The following PTPRG variants were observed in gnomAD, a reference collection of about 807,000 sequenced individuals.
PTPRG encodes the protein protein tyrosine phosphatase receptor type G.
In PTPRG, 102 loss-of-function variants were observed where a neutral mutation model predicts 165.3. The observed-to-expected ratio is 0.62, with a 90% confidence interval of 0.53 to 0.73. The LOEUF (loss-of-function observed/expected upper bound fraction) is 0.73, where lower values mean the gene tolerates loss of function less well. PTPRG is among the 30% of genes least tolerant of loss of function. The probability of loss-of-function intolerance (pLI) is 0.00; values close to 1 mark genes in which losing one functional copy is unlikely to be tolerated. For synonymous variants in PTPRG, 675 were observed against 669.5 expected (o/e 1.01, Z -0.13); for missense variants, 1,866 against 1,861.4 (o/e 1.00, Z -0.05).
intron 1 of PTPRG, among the ~76,000 whole-genome samples, chr3:61,682,502 G>A (rs1209031580): frequency 6.6e-6 from 1 of 152,148 alleles, no homozygotes; most frequent in Non-Finnish European, 1.5e-5. Flanking sequence ...AATAAAGTGG[G>A]CCAGTGAGGA....
At chr3:62,290,447 T>G (rs950103625) in intron 28 of PTPRG, among the ~76,000 whole-genome samples, 5 of 152,102 alleles carry the variant, frequency 3.3e-5, no homozygotes, top group Admixed American at 6.5e-5. Context: ...AAAATGAAAA[T>G]TATATGTTTG....
intron 29 of PTPRG, 83 bp downstream of exon 29, chr3:62,292,639 G>T: frequency 6.6e-7 from 1 of 1,510,712 alleles, no homozygotes. Flanking sequence ...TTCTCAATTG[G>T]GGGTGATTTT....
intron 6 of PTPRG, among the ~76,000 whole-genome samples, chr3:62,154,120 G>A (rs866381855): frequency 6.6e-6 from 1 of 152,096 alleles, no homozygotes; most frequent in African/African-American, 2.4e-5. Context: ...TCCCCTACTC[G>A]GCTTCAGCCA....
intron 2 of PTPRG, among the ~76,000 whole-genome samples, chr3:61,751,987 C>G (rs1374127975): frequency 6.6e-6 from 1 of 151,506 alleles, no homozygotes; most frequent in Non-Finnish European, 1.5e-5. Context: ...TAGCATGCCT[C>G]TGTCTCAGAA....
chr3:61,981,905 T>C (rs2040652035), intron 2 of PTPRG, among the ~76,000 whole-genome samples: 1 of 152,218 alleles, frequency 6.6e-6, no homozygotes, highest in African/African-American at 2.4e-5. Context: ...TAGAAAGGTA[T>C]TGCTCATTAA....
intron 2 of PTPRG, among the ~76,000 whole-genome samples, chr3:61,774,878 T>G (rs187674021): frequency 5.1e-4 from 77 of 152,262 alleles, no homozygotes; most frequent in African/African-American, 1.7e-3. Context: ...ACCCAGAGAT[T>G]GGACTGTGTT....
At chr3:61,590,550 A>G (rs2106820547) in intron 1 of PTPRG, among the ~76,000 whole-genome samples, 1 of 152,184 alleles carries the variant, frequency 6.6e-6, no homozygotes, top group South Asian at 2.1e-4. Flanking sequence ...ATACATAAAT[A>G]CGTTTTTTTC....
At chr3:61,633,690 C>T (rs1264401124) in intron 1 of PTPRG, among the ~76,000 whole-genome samples, 1 of 151,994 alleles carries the variant, frequency 6.6e-6, no homozygotes, top group Admixed American at 6.6e-5. Context: ...CTTTTTCTTG[C>T]CTAATTGCTC....
chr3:61,918,462 G>A (rs1920060), intron 2 of PTPRG, among the ~76,000 whole-genome samples: 1,626 of 152,274 alleles, frequency 0.011, 36 homozygotes, highest in South Asian at 0.092. Context: ...GTACTCTGAA[G>A]ATACTGTTGG....
At chr3:61,705,790 T>G (rs1186077746) in intron 1 of PTPRG, among the ~76,000 whole-genome samples, 1 of 152,232 alleles carries the variant, frequency 6.6e-6, no homozygotes, top group Non-Finnish European at 1.5e-5. Context: ...TCATCATTCT[T>G]GGGGAGGACT....
chr3:62,209,889 G>T (rs1358075895), intron 12 of PTPRG, among the ~76,000 whole-genome samples: 1 of 152,166 alleles, frequency 6.6e-6, no homozygotes, highest in Admixed American at 6.5e-5. Flanking sequence ...AAGAATTCAG[G>T]TTGCAGCAGG....
chr3:62,068,011 T>A (rs1701077503), intron 4 of PTPRG, among the ~76,000 whole-genome samples: 1 of 152,094 alleles, frequency 6.6e-6, no homozygotes, highest in African/African-American at 2.4e-5. Flanking sequence ...CTGGTGAGGA[T>A]GTTGTGTGGT....
rs1460102126 is a variant in PTPRG at position 62,294,611 on chromosome 3, G to A, written c.*1304G>A. On this transcript the variant is annotated 3_prime_UTR_variant, in exon 30 of 30. Transcript: ENST00000474889. ...GAAGTTATTAGGTGCAGCCTCTGGA[G>A]CCATACTCACGCTGCAGTGCATAAT... 1 of 152,056 alleles carries A rather than the reference G, an allele frequency of 6.6e-6. No homozygotes were observed. Among genetic ancestry groups the A allele is most frequent in the Non-Finnish European group, 1.5e-5 (1 of 67,986 alleles). 9.4% of individuals were successfully genotyped at this position (152,056 alleles called of 1,614,324 possible).
chr3:61,570,117 A>G (rs1023161071), intron 1 of PTPRG, among the ~76,000 whole-genome samples: 8 of 152,186 alleles, frequency 5.3e-5, no homozygotes, highest in Non-Finnish European at 1.2e-4. Flanking sequence ...AGCAAACAGT[A>G]GTTGGGTGTT....
At chr3:61,702,377 T>TA (rs1174277259) in intron 1 of PTPRG, among the ~76,000 whole-genome samples, 1 of 152,244 alleles carries the variant, frequency 6.6e-6, no homozygotes, top group Admixed American at 6.5e-5. Flanking sequence ...TAGGAACTGT[T>TA]ACTTTCTTCA....
chr3:61,743,302 CTGAG>C (rs777968963), intron 1 of PTPRG, among the ~76,000 whole-genome samples: 13 of 152,176 alleles, frequency 8.5e-5, no homozygotes, highest in Non-Finnish European at 1.6e-4. Context: ...ATTCCTCCTG[CTGAG>C]TGAGACGTAA....
chr3:62,088,924 C>G (rs1376582051), intron 5 of PTPRG, among the ~76,000 whole-genome samples: 3 of 152,230 alleles, frequency 2.0e-5, no homozygotes, highest in African/African-American at 7.2e-5. Context: ...TTTTTACTAT[C>G]TGGCCATCTA....
At chr3:61,623,701 A>T (rs1479487891) in intron 1 of PTPRG, among the ~76,000 whole-genome samples, 1 of 152,158 alleles carries the variant, frequency 6.6e-6, no homozygotes, top group Non-Finnish European at 1.5e-5. Flanking sequence ...TGTGGAGGGG[A>T]TGTCTATAAA....
chr3:62,177,846 C>A (rs1241865218), intron 8 of PTPRG, among the ~76,000 whole-genome samples: 1 of 152,162 alleles, frequency 6.6e-6, no homozygotes. Flanking sequence ...AGTACCTTTC[C>A]CTTATAGTAC....
Sources: gnomAD v4.1 joint callset for allele counts (sites outside exome capture counted in the v4.1 genomes callset) on GRCh38, gnomAD v4.1.1 for gene constraint, MANE v1.5 for transcripts, NCBI Gene and HGNC (gene_info 2026-07-23, HGNC 2026-07-21) for gene names.